The following ME3 variants were observed in gnomAD, a reference collection of about 807,000 sequenced individuals.
ME3 encodes malic enzyme 3.
In ME3, 48 loss-of-function variants were observed where a neutral mutation model predicts 68.9. The ratio of observed to expected loss-of-function variants is 0.70; its 90% CI spans 0.55 to 0.89. ME3 has a LOEUF of 0.89. Ranked by LOEUF, ME3 falls within the 40% of genes least tolerant of loss-of-function variation. The pLI, the probability that ME3 is intolerant of heterozygous loss-of-function variation, is 0.00. For missense variants in ME3, 675 were observed against 797.4 expected (o/e 0.85, Z 1.85); for synonymous variants, 320 against 318.8 (o/e 1.00, Z -0.04).
intron 2 of ME3, among the ~76,000 whole-genome samples, chr11:86,654,707 C>T (rs1376974377): frequency 2.6e-5 from 4 of 152,322 alleles, no homozygotes; most frequent in Admixed American, 2.6e-4. Context: ...TGCCCTCTCT[C>T]ACCACTCCTA....
Position 86,473,177 on chromosome 11 carries a change from T to G in ME3, c.810-7977A>C, listed in dbSNP as rs369824586. On this transcript the variant is annotated intron_variant, in intron 7 of 14. Coordinates refer to ENST00000543262, the Ensembl canonical transcript of ME3. Reference sequence around the variant, plus strand: ...TAGTGGAAGAAAGTCCAGCCAAGGATAGCGAGCAGGTTGGGCCCACACAGC... The same window carrying G: ...TAGTGGAAGAAAGTCCAGCCAAGGAGAGCGAGCAGGTTGGGCCCACACAGC... Among the ~76,000 whole-genome samples the G allele has an allele frequency of 5.6e-5, 8 of 141,868 alleles. No individual in the cohort carries two copies. The East Asian group carries it at 1.7e-3, about 30-fold the overall frequency. 93.1% of individuals were successfully genotyped at this position (141,868 alleles called of 152,430 possible).
chr11:86,562,774 T>C (rs1468129698), intron 2 of ME3, among the ~76,000 whole-genome samples: 1 of 151,924 alleles, frequency 6.6e-6, no homozygotes, highest in Non-Finnish European at 1.5e-5. Flanking sequence ...ATTACCCAGG[T>C]AGTGTGCATA....
At chr11:86,527,659 T>C (rs10898494) in intron 4 of ME3, among the ~76,000 whole-genome samples, 36,391 of 152,132 alleles carry the variant, frequency 0.24, 4,468 homozygotes, top group African/African-American at 0.27. Context: ...GCTGATCTCT[T>C]GGCAGAAACT....
At chr11:86,478,275 C>A (rs1951194470) in intron 7 of ME3, among the ~76,000 whole-genome samples, 1 of 142,422 alleles carries the variant, frequency 7.0e-6, no homozygotes, top group South Asian at 2.2e-4. Context: ...TACAACAGTC[C>A]AGACTCATCT....
chr11:86,509,749 G>A (rs1437175499), intron 4 of ME3, among the ~76,000 whole-genome samples: 1 of 104,536 alleles, frequency 9.6e-6, no homozygotes, highest in East Asian at 2.5e-4. Context: ...ACACACAGGG[G>A]GATTGGCAAA....
rs1247686790 is a variant in ME3 at position 86,477,673 on chromosome 11, T to C, written c.809+9664A>G. On this transcript the variant is annotated intron_variant, in intron 7 of 14. Transcript: ENST00000543262. Reference sequence around the variant, plus strand: ...AAAGGAAATAGCCAGCTAGTGTCATTGAATCATATCCCGAGGCAGTGAGTT... The same window carrying C: ...AAAGGAAATAGCCAGCTAGTGTCATCGAATCATATCCCGAGGCAGTGAGTT... Among the ~76,000 whole-genome samples the C allele has an allele frequency of 5.3e-5, 8 of 152,306 alleles. No individual in the cohort carries two copies. The South Asian group carries it at 1.0e-3, about 20-fold the overall frequency.
chr11:86,549,318 CT>C (rs1484424455), intron 4 of ME3, among the ~76,000 whole-genome samples: 1 of 152,228 alleles, frequency 6.6e-6, no homozygotes, highest in African/African-American at 2.4e-5. Flanking sequence ...GTGTTTTTCC[CT>C]GTTTCTCTTC....
chr11:86,490,901 T>G (rs1951965882), intron 6 of ME3, among the ~76,000 whole-genome samples: 1 of 152,184 alleles, frequency 6.6e-6, no homozygotes. Flanking sequence ...CCAGTGGCAC[T>G]AAGGGATTTT....
At chr11:86,620,023 TGTCA>T (rs35676005) in intron 2 of ME3, among the ~76,000 whole-genome samples, 60,585 of 151,686 alleles carry the variant, frequency 0.4, 13,635 homozygotes, top group Non-Finnish European at 0.51. Flanking sequence ...AGTGCTAACA[TGTCA>T]GTATTTTTTA....
At chr11:86,470,312 A>C (rs954837349) in intron 7 of ME3, among the ~76,000 whole-genome samples, 1 of 151,834 alleles carries the variant, frequency 6.6e-6, no homozygotes, top group Non-Finnish European at 1.5e-5. Flanking sequence ...CCAGAAAAAA[A>C]CCCACATGCA....
At chr11:86,613,662 C>A (rs1296531429) in intron 2 of ME3, among the ~76,000 whole-genome samples, 1 of 152,110 alleles carries the variant, frequency 6.6e-6, no homozygotes, top group Non-Finnish European at 1.5e-5. Context: ...ACAACCATTT[C>A]TTTACACCAA....
chr11:86,580,290 C>T (rs1434892534), intron 2 of ME3, among the ~76,000 whole-genome samples: 1 of 152,158 alleles, frequency 6.6e-6, no homozygotes, highest in Non-Finnish European at 1.5e-5. Context: ...CCAAATGCCT[C>T]AAAATAAATG....
chr11:86,598,084 CAGACAGTGGGCGCA>C (rs1329431152), intron 2 of ME3, among the ~76,000 whole-genome samples: 14 of 152,062 alleles, frequency 9.2e-5, no homozygotes, highest in Non-Finnish European at 1.5e-5. Flanking sequence ...TAGGGAGTGC[CAGACAGTGGGCGCA>C]GGACAGTGGG....
At chr11:86,537,193 G>A (rs539859553) in intron 4 of ME3, among the ~76,000 whole-genome samples, 1 of 151,014 alleles carries the variant, frequency 6.6e-6, no homozygotes, top group African/African-American at 2.4e-5. Flanking sequence ...GCTAGATGAC[G>A]AGTTAGTGGG....
intron 2 of ME3, among the ~76,000 whole-genome samples, chr11:86,661,518 T>G (rs1191363948): frequency 1.3e-5 from 2 of 152,350 alleles, no homozygotes; most frequent in Admixed American, 6.5e-5. Context: ...ACAGGGTACA[T>G]GTCTATTGCT....
intron 2 of ME3, among the ~76,000 whole-genome samples, chr11:86,649,791 C>A (rs552427868): frequency 6.6e-6 from 1 of 152,052 alleles, no homozygotes; most frequent in African/African-American, 2.4e-5. Context: ...TACAAACCAC[C>A]GCTTAAGGAA....
intron 2 of ME3, among the ~76,000 whole-genome samples, chr11:86,591,184 CTGGAGGAGTTGGAGGAGT>C (rs11271121): frequency 0.6 from 91,569 of 151,842 alleles, 29,107 homozygotes; most frequent in Non-Finnish European, 0.7. Context: ...TGCCAAAGCA[CTGGAGGAGTTGGAGGAGT>C]TGGAGGAGTT....
chr11:86,542,283 A>T (rs1332520784), intron 4 of ME3, among the ~76,000 whole-genome samples: 1 of 152,238 alleles, frequency 6.6e-6, no homozygotes, highest in Non-Finnish European at 1.5e-5. Context: ...CAGCAAGGGA[A>T]CAAAACTGGA....
At chr11:86,654,814 T>C (rs1945743027) in intron 2 of ME3, among the ~76,000 whole-genome samples, 1 of 152,184 alleles carries the variant, frequency 6.6e-6, no homozygotes, top group South Asian at 2.1e-4. Flanking sequence ...ATTGTCCCTG[T>C]TTGCAGATGA....
Sources: allele counts gnomAD v4.1 joint callset (sites outside exome capture counted in the v4.1 genomes callset), GRCh38; gene constraint gnomAD v4.1.1; transcripts MANE v1.5; gene names NCBI Gene and HGNC (gene_info 2026-07-23, HGNC 2026-07-21).